Variants in TPRG1 observed in about 807,000 individuals in gnomAD.
The protein encoded by TPRG1 is tumor protein p63-regulated gene 1 protein.
In TPRG1, 29 loss-of-function variants were observed where a neutral mutation model predicts 29.3. The observed-to-expected ratio is 0.99, with a 90% CI of 0.74 to 1.35. The LOEUF is 1.35. Among genes scored for constraint, TPRG1 ranks in the 40% most tolerant of loss-of-function variants. The pLI, the probability that TPRG1 is intolerant of heterozygous loss-of-function variation, is 0.00. For missense variants in TPRG1, 327 were observed against 335.0 expected (o/e 0.98, Z 0.19); for synonymous variants, 130 against 116.8 (o/e 1.11, Z -0.73).
Position 189,275,977 on chromosome 3 carries a change from A to G in TPRG1, c.480-34409A>G, listed in dbSNP as rs933509756. On this transcript the variant is annotated intron_variant, in intron 4 of 5. Coordinates refer to ENST00000345063, the MANE Select transcript of TPRG1 (RefSeq NM_198485.4). Reference sequence around the variant, plus strand: ...GTAGGGATATCTTGTTCAGACACCTAGGGGAATCATAGAAAGCTTCTTAAA... The same window carrying G: ...GTAGGGATATCTTGTTCAGACACCTGGGGGAATCATAGAAAGCTTCTTAAA... Among the ~76,000 whole-genome samples the G allele has an allele frequency of 2.0e-5, 3 of 152,314 alleles. No individual in the cohort carries two copies. The East Asian group carries it at 5.8e-4, about 29-fold the overall frequency.
intron 4 of TPRG1, among the ~76,000 whole-genome samples, chr3:189,290,851 C>T (rs1396867462): frequency 2.6e-5 from 4 of 152,142 alleles, no homozygotes; most frequent in Non-Finnish European, 4.4e-5. Flanking sequence ...GATTGTGTGA[C>T]TGAATCCTGA....
intron 4 of TPRG1, among the ~76,000 whole-genome samples, chr3:189,247,120 G>A (rs1054367299): frequency 6.6e-6 from 1 of 151,724 alleles, no homozygotes; most frequent in Non-Finnish European, 1.5e-5. Context: ...TTCTGATACT[G>A]TCCCACAAGT....
In TPRG1 at chr3:189,205,605, C is replaced by T. The variant is rs75971081; in HGVS notation, c.-9-1771C>T. On this transcript the variant is annotated intron_variant, in intron 1 of 5. Transcript: ENST00000345063. ...AGAACCAAGGAAATTGATTAAAAAC[C>T]ACTTTTGTTTAAGAACAAGGAGGTG... Among the ~76,000 whole-genome samples, 870 of 152,254 alleles carry T rather than the reference C, an allele frequency of 5.7e-3. 9 individuals are homozygous for T. Among genetic ancestry groups the T allele is most frequent in the African/African-American group, 0.018 (764 of 41,538 alleles).
intron 5 of TPRG1, among the ~76,000 whole-genome samples, chr3:189,155,866 C>G (rs931150801): frequency 6.6e-6 from 1 of 152,082 alleles, no homozygotes; most frequent in African/African-American, 2.4e-5. Flanking sequence ...GGTCAGAGTA[C>G]AAAGTTTTAG....
chr3:189,030,042 A>G (rs1158753816), intron 4 of TPRG1, among the ~76,000 whole-genome samples: 2 of 152,196 alleles, frequency 1.3e-5, no homozygotes, highest in South Asian at 2.1e-4. Context: ...CACGAAGACA[A>G]ACTGGGTACG....
At chr3:189,044,101 C>A (rs1326521035) in intron 4 of TPRG1, among the ~76,000 whole-genome samples, 2 of 152,058 alleles carry the variant, frequency 1.3e-5, no homozygotes, top group African/African-American at 2.4e-5. Context: ...ATAAAAATTA[C>A]TCTCTCAAAT....
At chr3:189,289,016 G>A (rs1405511911) in intron 4 of TPRG1, among the ~76,000 whole-genome samples, 1 of 152,198 alleles carries the variant, frequency 6.6e-6, no homozygotes, top group East Asian at 1.9e-4. Flanking sequence ...GTGTATTAGA[G>A]GGTAAGTCTA....
At chr3:189,137,613 C>T (rs1405589030) in intron 3 of TPRG1, among the ~76,000 whole-genome samples, 1 of 151,886 alleles carries the variant, frequency 6.6e-6, no homozygotes, top group Non-Finnish European at 1.5e-5. Flanking sequence ...TGCCTCTGGC[C>T]ATTAGAAGGA....
intron 1 of TPRG1, chr3:189,190,913 C>G (rs1731593515): frequency 2.0e-6 from 2 of 979,964 alleles, no homozygotes; most frequent in Non-Finnish European, 2.4e-6. Flanking sequence ...TGATCAAAAC[C>G]AAACATTATC....
intron 1 of TPRG1, among the ~76,000 whole-genome samples, chr3:189,112,377 T>C (rs986151446): frequency 2.2e-4 from 34 of 152,228 alleles, no homozygotes; most frequent in African/African-American, 8.2e-4. Flanking sequence ...CTCTTTAGTT[T>C]AATTAGATCC....
At chr3:189,064,821 C>A (rs1205081021) in intron 4 of TPRG1, among the ~76,000 whole-genome samples, 1 of 152,046 alleles carries the variant, frequency 6.6e-6, no homozygotes, top group Non-Finnish European at 1.5e-5. Context: ...AAAACTCAAA[C>A]AAGTTGAAAT....
rs373769317 is a variant in TPRG1 at position 189,155,948 on chromosome 3, A to T, written c.-10+5076A>T. Among the ~76,000 whole-genome samples, 210 of 152,322 alleles carry T rather than the reference A, an allele frequency of 1.4e-3. 1 individual carries two copies. The highest frequency in any genetic ancestry group is 4.7e-3 in the African/African-American group (195 of 41,568). On this transcript the variant is annotated intron_variant, in intron 5 of 6. Transcript: ENST00000412373. ...CTATAGTTAATAATACTGTATTGTA[A>T]ACTTGAAATTTGCTGAGAGAGTAGA...
At chr3:189,039,118 G>T (rs937518139) in intron 4 of TPRG1, among the ~76,000 whole-genome samples, 1 of 152,202 alleles carries the variant, frequency 6.6e-6, no homozygotes, top group Non-Finnish European at 1.5e-5. Context: ...CCTATGCAGG[G>T]TCACATGTGA....
intron 4 of TPRG1, among the ~76,000 whole-genome samples, chr3:189,042,686 C>T (rs1714707289): frequency 6.6e-6 from 1 of 151,902 alleles, no homozygotes; most frequent in Non-Finnish European, 1.5e-5. Flanking sequence ...GATGATCCCT[C>T]ATGAAAATGA....
intron 4 of TPRG1, among the ~76,000 whole-genome samples, chr3:189,254,663 T>C (rs1008988594): frequency 4.6e-5 from 7 of 152,210 alleles, no homozygotes; most frequent in South Asian, 2.1e-4. Context: ...GCATGGAATG[T>C]TTTTCCATTT....
At chr3:189,025,718 G>A (rs1713622015) in intron 4 of TPRG1, among the ~76,000 whole-genome samples, 1 of 152,160 alleles carries the variant, frequency 6.6e-6, no homozygotes, top group Non-Finnish European at 1.5e-5. Context: ...AAGAGACATG[G>A]AATAATCAAG....
At chr3:189,307,407 T>C (rs1721806856) in intron 4 of TPRG1, among the ~76,000 whole-genome samples, 1 of 152,206 alleles carries the variant, frequency 6.6e-6, no homozygotes, top group Non-Finnish European at 1.5e-5. Context: ...TTTCCTATAG[T>C]CTCAAAATTG....
At chr3:189,161,879 G>A (rs1727537715) in intron 5 of TPRG1, among the ~76,000 whole-genome samples, 1 of 152,216 alleles carries the variant, frequency 6.6e-6, no homozygotes, top group Admixed American at 6.5e-5. Flanking sequence ...GTGGAGGTGT[G>A]AAGAGAAATG....
intron 1 of TPRG1, among the ~76,000 whole-genome samples, chr3:189,185,919 A>G (rs774748520): frequency 2.0e-5 from 3 of 152,066 alleles, no homozygotes; most frequent in African/African-American, 4.8e-5. Context: ...TTGTCATTTA[A>G]TTGTCTTTAA....
Sources: allele counts gnomAD v4.1 joint callset (sites outside exome capture counted in the v4.1 genomes callset), GRCh38; gene constraint gnomAD v4.1.1; transcripts MANE v1.5; gene names NCBI Gene and HGNC (gene_info 2026-07-23, HGNC 2026-07-21).